POLR3B: variants seen among roughly 807,000 people sequenced by gnomAD.
POLR3B encodes the protein RNA polymerase III subunit B.
Under a neutral mutation model 147.4 loss-of-function variants are expected in POLR3B, and 96 were observed. The ratio of observed to expected loss-of-function variants is 0.65; its 90% confidence interval spans 0.55 to 0.77. The LOEUF is 0.77. Ranked by LOEUF, POLR3B falls within the 30% of genes least tolerant of loss-of-function variation. The pLI, the probability that POLR3B is intolerant of heterozygous loss-of-function variation, is 0.00. For synonymous variants in POLR3B, 461 were observed against 485.9 expected (o/e 0.95, Z 0.67); for missense variants, 1,036 against 1,413.5 (o/e 0.73, Z 4.28).
At chr12:106,443,800 C>T (rs531450881) in intron 18 of POLR3B, among the ~76,000 whole-genome samples, 4 of 151,434 alleles carry the variant, frequency 2.6e-5, no homozygotes, top group South Asian at 2.1e-4. Flanking sequence ...GGATTATAGG[C>T]GTGAGCCACT....
chr12:106,377,729 C>T (rs2255008), intron 7 of POLR3B, among the ~76,000 whole-genome samples: 144,643 of 152,312 alleles, frequency 0.95, 68,725 homozygotes, highest in East Asian at 1. Context: ...CAATAAGATA[C>T]ATTTCCTGTC....
At chr12:106,405,479 A>G (rs2136931378) in intron 10 of POLR3B, among the ~76,000 whole-genome samples, 1 of 151,570 alleles carries the variant, frequency 6.6e-6, no homozygotes, top group Middle Eastern at 3.4e-3. Flanking sequence ...GGAAAAAAGT[A>G]CTACTATAAA....
chr12:106,457,436 A>AT (rs1268275921), intron 21 of POLR3B, 140 bp downstream of exon 21: 5 of 677,574 alleles, frequency 7.4e-6, no homozygotes, highest in Non-Finnish European at 1.3e-5. Flanking sequence ...CAATGAGGTC[A>AT]TTTTTGATGA....
chr12:106,358,161 A>C (rs2036416054), intron 1 of POLR3B: 1 of 1,444,310 alleles, frequency 6.9e-7, no homozygotes, highest in Admixed American at 2.7e-5. Context: ...AGGAGCTGTC[A>C]GCCGCTGCGG....
chr12:106,381,737 C>T (rs1409795695), intron 9 of POLR3B, among the ~76,000 whole-genome samples: 1 of 152,196 alleles, frequency 6.6e-6, no homozygotes, highest in Non-Finnish European at 1.5e-5. Flanking sequence ...GATATACAAA[C>T]ATTCTTTTTT....
chr12:106,369,020 G>C (rs928397766), intron 4 of POLR3B, among the ~76,000 whole-genome samples: 1 of 151,774 alleles, frequency 6.6e-6, no homozygotes, highest in East Asian at 1.9e-4. Flanking sequence ...TCATTTTTAG[G>C]GAGCTGTATT....
chr12:106,414,591 T>A (rs569791474), intron 12 of POLR3B, among the ~76,000 whole-genome samples: 1 of 152,282 alleles, frequency 6.6e-6, no homozygotes, highest in Admixed American at 6.5e-5. Context: ...TCAGGGCAAC[T>A]CTGCCATTTG....
chr12:106,429,041 T>G (rs1167469599), intron 13 of POLR3B, among the ~76,000 whole-genome samples: 1 of 152,240 alleles, frequency 6.6e-6, no homozygotes, highest in Non-Finnish European at 1.5e-5. Context: ...TGTTTCTATG[T>G]GCATTTTTCT....
At chr12:106,497,102 CATT>C (rs1284588353) in intron 25 of POLR3B, among the ~76,000 whole-genome samples, 184 bp downstream of exon 25, 1 of 145,424 alleles carries the variant, frequency 6.9e-6, no homozygotes. Flanking sequence ...TTTTTAAAAA[CATT>C]ATGAGAGTTT....
At chr12:106,500,856 T>C (rs2038588685) in intron 25 of POLR3B, among the ~76,000 whole-genome samples, 1 of 152,158 alleles carries the variant, frequency 6.6e-6, no homozygotes, top group East Asian at 1.9e-4. Flanking sequence ...ATGTTGGCAA[T>C]ACAGATTCCA....
In POLR3B at chr12:106,437,890, T is replaced by C. The variant is rs534388692; in HGVS notation, c.1955+111T>C. On this transcript the variant is annotated intron_variant, in intron 18 of 27. Transcript: ENST00000228347. ...TATCTTTTACTCTTTTGACAGGAAC[T>C]GTTAGAAATATACAATCTTCTTTTT... 5.6e-6 allele frequency: 4 copies of C among 717,338 alleles called. No homozygotes were observed. In the East Asian group the frequency reaches 1.1e-4, roughly 19 times the overall value. The allele number at this position is 717,338 out of a possible 1,614,324, so 44.4% of individuals were successfully genotyped here. A position where few individuals can be genotyped will look rare whatever the true frequency, so the allele number is the denominator to read the frequency against.
chr12:106,377,021 C>A (rs560236405), intron 7 of POLR3B, among the ~76,000 whole-genome samples: 1 of 152,170 alleles, frequency 6.6e-6, no homozygotes, highest in East Asian at 1.9e-4. Context: ...TCTATCTTTG[C>A]CCACGAGTTT....
chr12:106,358,304 AG>A, intron 1 of POLR3B: 3 of 1,191,574 alleles, frequency 2.5e-6, no homozygotes, highest in Non-Finnish European at 3.2e-6. Flanking sequence ...ACACGGGGCC[AG>A]GGAGCTCAGG....
chr12:106,372,989 G>A (rs1196979813), intron 6 of POLR3B, among the ~76,000 whole-genome samples: 1 of 152,114 alleles, frequency 6.6e-6, no homozygotes, highest in Non-Finnish European at 1.5e-5. Flanking sequence ...GGTGCTTTAT[G>A]TCAATTTTTG....
intron 23 of POLR3B, among the ~76,000 whole-genome samples, chr12:106,490,817 A>T (rs2038397365): frequency 6.6e-6 from 1 of 152,242 alleles, no homozygotes; most frequent in South Asian, 2.1e-4. Flanking sequence ...CCATGTCTTA[A>T]TAGGAACAGT....
intron 23 of POLR3B, among the ~76,000 whole-genome samples, chr12:106,493,593 G>A (rs2038434792): frequency 6.6e-6 from 1 of 152,174 alleles, no homozygotes; most frequent in South Asian, 2.1e-4. Context: ...AAATCTGTCA[G>A]CTATGACTGG....
At chr12:106,444,706 C>T (rs1317698920) in intron 19 of POLR3B, 116 bp downstream of exon 19, 3 of 1,091,672 alleles carry the variant, frequency 2.7e-6, no homozygotes, top group Middle Eastern at 2.4e-4. Context: ...GCACTGGGAA[C>T]ACCTGAGGGT....
chr12:106,366,472 T>C, intron 2 of POLR3B, 44 bp from the exon 3 acceptor site: 1 of 1,308,058 alleles, frequency 7.6e-7, no homozygotes, highest in Non-Finnish European at 1.1e-6. Context: ...CAGTACTCTT[T>C]GCACTTTTGC....
Position 106,388,602 on chromosome 12 carries a change from C to T in POLR3B, c.724-4429C>T, listed in dbSNP as rs375721981. 2.1e-4 allele frequency among the ~76,000 whole-genome samples: 32 copies of T among 152,268 alleles called. No homozygotes were observed. In the East Asian group the frequency reaches 6.0e-3, roughly 28 times the overall value. ...AAGTGCTGGGATTACAGGCGTGAGC[C>T]AATGTGCCTGGCTGAAATTTATCTT... On this transcript the variant is annotated intron_variant, in intron 9 of 27. Transcript: ENST00000228347.
Sources: allele counts gnomAD v4.1 joint callset (sites outside exome capture counted in the v4.1 genomes callset), GRCh38; gene constraint gnomAD v4.1.1; transcripts MANE v1.5; gene names NCBI Gene and HGNC (gene_info 2026-07-23, HGNC 2026-07-21).